The following SF3B6 variants were observed in gnomAD, a reference collection of about 807,000 sequenced individuals.
SF3B6 encodes the protein splicing factor 3b subunit 6, also known as SF3b 14 kDa subunit.
SF3B6 carries 3 observed loss-of-function variants against 15.9 expected under a neutral mutation model. That is an observed-to-expected ratio of 0.19 (90% CI 0.09 to 0.49). The LOEUF is 0.49. Ranked by LOEUF, SF3B6 falls within the 20% of genes least tolerant of loss-of-function variation. The probability of loss-of-function intolerance (pLI) is 0.97; values close to 1 mark genes in which losing one functional copy is unlikely to be tolerated. For synonymous variants in SF3B6, 49 were observed against 51.1 expected, an observed-to-expected ratio of 0.96 and a Z score of 0.18; for missense variants, 71 against 154.3, an observed-to-expected ratio of 0.46 and a Z score of 2.86.
At chr2:24,070,984 C>G (rs1664643369) in intron 2 of SF3B6, among the ~76,000 whole-genome samples, 2 of 152,106 alleles carry the variant, frequency 1.3e-5, no homozygotes, top group African/African-American at 2.4e-5. Context: ...AATATGAAAT[C>G]ATTATAAATC....
chr2:24,068,559 A>G, intron 2 of SF3B6, 100 bp from the exon 3 acceptor site: 3 of 1,104,918 alleles, frequency 2.7e-6, no homozygotes, highest in Middle Eastern at 2.2e-4. Context: ...TCTTTTAAAA[A>G]CAGTAAATTG....
intron 1 of SF3B6, among the ~76,000 whole-genome samples, 195 bp from the exon 2 acceptor site, chr2:24,074,389 T>C (rs541525430): frequency 5.3e-5 from 8 of 152,304 alleles, no homozygotes; most frequent in Admixed American, 5.2e-4. Context: ...CTGGGTGCAG[T>C]GGCTGGTCCC....
At chr2:24,071,426 G>A (rs1275001566) in intron 2 of SF3B6, among the ~76,000 whole-genome samples, 1 of 151,494 alleles carries the variant, frequency 6.6e-6, no homozygotes, top group African/African-American at 2.4e-5. Flanking sequence ...CCAACGTGGT[G>A]AAACCCCATC....
rs1664581792 is a variant in SF3B6 at position 24,067,707 on chromosome 2, A to C, written c.*55T>G. On this transcript the variant is annotated 3_prime_UTR_variant, in exon 4 of 4. Coordinates refer to ENST00000233468, the MANE Select transcript of SF3B6 (RefSeq NM_016047.4). ...ATTTAGTATTAATTAAAAAGGAAAA[A>C]AAGGTGGTAGTTGTCATTCGTGGGA... The C allele has an allele frequency of 4.9e-6, 7 of 1,414,730 alleles. No homozygotes were observed. Among genetic ancestry groups the C allele is most frequent in the Non-Finnish European group, 5.9e-6 (6 of 1,015,214 alleles). 87.6% of individuals were successfully genotyped at this position (1,414,730 alleles called of 1,614,324 possible).
chr2:24,068,996 G>A (rs547263291), intron 2 of SF3B6, among the ~76,000 whole-genome samples: 143 of 152,280 alleles, frequency 9.4e-4, no homozygotes, highest in African/African-American at 3.2e-3. Context: ...GGAGGCATGT[G>A]CCACCATGCC....
At chr2:24,075,978 C>A (rs1168229075) in intron 1 of SF3B6, among the ~76,000 whole-genome samples, 2 of 152,006 alleles carry the variant, frequency 1.3e-5, no homozygotes, top group African/African-American at 4.8e-5. Context: ...ATCACTGACA[C>A]TAGGGTAGAG....
At chr2:24,076,153 G>T in intron 1 of SF3B6, 47 bp downstream of exon 1, 1 of 1,613,396 alleles carries the variant, frequency 6.2e-7, no homozygotes, top group Non-Finnish European at 8.5e-7. Flanking sequence ...CGCTAAGAAA[G>T]TCAAACCCGA....
At chr2:24,072,160 A>ATT (rs35256197) in intron 2 of SF3B6, among the ~76,000 whole-genome samples, 2 of 149,992 alleles carry the variant, frequency 1.3e-5, no homozygotes, top group South Asian at 2.1e-4. Context: ...TAATTTTTGT[A>ATT]TTTTTTTTTA....
At chr2:24,071,489 C>A (rs1022280123) in intron 2 of SF3B6, among the ~76,000 whole-genome samples, 5 of 152,110 alleles carry the variant, frequency 3.3e-5, no homozygotes, top group African/African-American at 1.2e-4. Context: ...CCTGTAATCT[C>A]AGCAACTCAG....
In SF3B6 at chr2:24,075,437, C is replaced by T. The variant is rs115035212; in HGVS notation, c.30+763G>A. 9.2e-3 allele frequency among the ~76,000 whole-genome samples: 1,358 copies of T among 148,284 alleles called. 12 individuals are homozygous for T. Among genetic ancestry groups the T allele is most frequent in the Non-Finnish European group, 0.014 (937 of 67,438 alleles). On this transcript the variant is annotated intron_variant, in intron 1 of 3. Coordinates refer to ENST00000233468, the MANE Select transcript of SF3B6 (RefSeq NM_016047.4). The stretch of plus-strand genomic sequence containing the variant: ...GCTGCGCAGTGGCACAATCATGGCT[C>T]AAGGCAGCCTTGAATTCCTGGGCTC...
chr2:24,071,132 A>G (rs1286277337), intron 2 of SF3B6, among the ~76,000 whole-genome samples: 1 of 152,082 alleles, frequency 6.6e-6, no homozygotes. Flanking sequence ...AGCTGGGATT[A>G]TAGGCATGCA....
At chr2:24,071,192 C>T (rs2150978047) in intron 2 of SF3B6, among the ~76,000 whole-genome samples, 1 of 152,200 alleles carries the variant, frequency 6.6e-6, no homozygotes, top group South Asian at 2.1e-4. Context: ...GAGGTTTCAC[C>T]ATGTTGGTCA....
intron 2 of SF3B6, among the ~76,000 whole-genome samples, chr2:24,072,133 G>C (rs112023242): frequency 0.053 from 8,003 of 151,850 alleles, 312 homozygotes; most frequent in East Asian, 0.19. Context: ...TTACAGGCGC[G>C]TGCCACCATG....
intron 2 of SF3B6, among the ~76,000 whole-genome samples, chr2:24,069,980 A>G (rs1664628923): frequency 6.6e-6 from 1 of 152,170 alleles, no homozygotes; most frequent in Non-Finnish European, 1.5e-5. Context: ...TGAAAAGTGG[A>G]GATCTACTTT....
intron 3 of SF3B6, 53 bp from the exon 4 acceptor site, chr2:24,067,904 T>C: frequency 6.8e-7 from 1 of 1,480,230 alleles, no homozygotes; most frequent in South Asian, 1.1e-5. Context: ...GCCAAATGAA[T>C]TTCATCAATA....
intron 2 of SF3B6, 63 bp from the exon 3 acceptor site, chr2:24,068,522 C>A: frequency 7.0e-7 from 1 of 1,432,476 alleles, no homozygotes; most frequent in Non-Finnish European, 9.5e-7. Flanking sequence ...AGTTGACTTA[C>A]AGAACTGTCT....
chr2:24,076,012 G>A (rs1340771711), intron 1 of SF3B6, among the ~76,000 whole-genome samples, 188 bp downstream of exon 1: 1 of 152,098 alleles, frequency 6.6e-6, no homozygotes, highest in Non-Finnish European at 1.5e-5. Context: ...CAAAAGGGGT[G>A]GGGACAGAAA....
intron 2 of SF3B6, among the ~76,000 whole-genome samples, chr2:24,069,658 G>T (rs936567916): frequency 1.3e-5 from 2 of 152,186 alleles, no homozygotes; most frequent in African/African-American, 4.8e-5. Context: ...TACCTGCCTA[G>T]ACTTGATCTA....
intron 2 of SF3B6, among the ~76,000 whole-genome samples, chr2:24,072,292 ACTATTTT>A (rs889411284): frequency 6.6e-6 from 1 of 152,054 alleles, no homozygotes; most frequent in Non-Finnish European, 1.5e-5. Context: ...GGCCTATTCT[ACTATTTT>A]CTATATTATT....
Sources: gnomAD v4.1 joint callset for allele counts (sites outside exome capture counted in the v4.1 genomes callset) on GRCh38, gnomAD v4.1.1 for gene constraint, MANE v1.5 for transcripts, NCBI Gene and HGNC (gene_info 2026-07-23, HGNC 2026-07-21) for gene names.